Variants in AGBL2 observed in about 807,000 individuals in gnomAD.
AGBL2 encodes cytosolic carboxypeptidase 2.
In AGBL2, 87 loss-of-function variants were observed where a neutral mutation model predicts 103.0. That is an observed-to-expected ratio of 0.84 (90% CI 0.71 to 1.01). The LOEUF (loss-of-function observed/expected upper bound fraction) is 1.01, where lower values mean the gene tolerates loss of function less well. Among genes scored for constraint, AGBL2 ranks in the 50% least tolerant of loss-of-function variants. The pLI is 0.00. For synonymous variants in AGBL2, 335 were observed against 356.7 expected (o/e 0.94, Z 0.69); for missense variants, 904 against 1,023.5 (o/e 0.88, Z 1.59).
intron 17 of AGBL2, among the ~76,000 whole-genome samples, chr11:47,664,286 A>G (rs1328716734): frequency 6.6e-6 from 1 of 152,038 alleles, no homozygotes. Flanking sequence ...TCACTATGTC[A>G]TCTAGGGTGG....
chr11:47,665,539 C>T (rs2097339227), intron 17 of AGBL2, among the ~76,000 whole-genome samples: 1 of 151,994 alleles, frequency 6.6e-6, no homozygotes, highest in African/African-American at 2.4e-5. Context: ...TCACTGCAGC[C>T]TCCAACTCTG....
At chr11:47,705,948 G>A in intron 4 of AGBL2, 31 bp from the exon 5 acceptor site, 1 of 1,598,214 alleles carries the variant, frequency 6.3e-7, no homozygotes, top group East Asian at 2.2e-5. Flanking sequence ...CACCCTTGGT[G>A]TCAGGGATCG....
chr11:47,714,723 A>C lies in AGBL2; in HGVS notation c.-73T>G, dbSNP rs2097545232. ...CAGTCGCAAACCCTGCCCAATTTCC[A>C]AATAGGCAGCTGATTACACAAGAGA... On this transcript the variant is annotated 5_prime_UTR_variant, in exon 2 of 19. Transcript: ENST00000525123. 7.0e-7 allele frequency: 1 copy of C among 1,432,984 alleles called. No individual in the cohort carries two copies. Among genetic ancestry groups the C allele is most frequent in the Non-Finnish European group, 9.8e-7 (1 of 1,015,502 alleles). 88.8% of individuals were successfully genotyped at this position (1,432,984 alleles called of 1,614,324 possible).
At chr11:47,698,430 C>T (rs2097485382) in intron 8 of AGBL2, among the ~76,000 whole-genome samples, 1 of 152,178 alleles carries the variant, frequency 6.6e-6, no homozygotes, top group Non-Finnish European at 1.5e-5. Flanking sequence ...CCTCGGCCTC[C>T]CAAAGTGCTG....
At chr11:47,670,952 G>A (rs1320854068) in intron 14 of AGBL2, among the ~76,000 whole-genome samples, 3 of 151,106 alleles carry the variant, frequency 2.0e-5, no homozygotes, top group Non-Finnish European at 4.4e-5. Context: ...CTGTGATTGC[G>A]CCACTGACTC....
At position 47,714,667 on chromosome 11, in the gene AGBL2, A is replaced by G; in HGVS notation, c.-17T>C. ...TGGGAACATGTTACTTCTGGATGGT[A>G]GGCTGAAAACTAGTCAGTGACATTA... On this transcript the variant is annotated 5_prime_UTR_variant, in exon 2 of 19. Coordinates refer to ENST00000525123, the MANE Select transcript of AGBL2 (RefSeq NM_024783.4). The G allele has an allele frequency of 6.2e-7, 1 of 1,613,886 alleles. No individual in the cohort carries two copies. Among genetic ancestry groups the G allele is most frequent in the Non-Finnish European group, 8.5e-7 (1 of 1,179,870 alleles).
rs1402992136 is a variant in AGBL2 at position 47,667,631 on chromosome 11, T to TC, written c.2279dup (p.Asn761LysfsTer2). The TC allele has an allele frequency of 1.2e-6, 2 of 1,613,950 alleles. No homozygotes were observed. Among genetic ancestry groups the TC allele is most frequent in the Non-Finnish European group, 1.7e-6 (2 of 1,179,866 alleles). ...AATTTTTTTTCTGATACTGCTCATT[T>TC]CGCTGTTTCCTAGTCTGAAGTGACT... is the stretch of plus-strand genomic sequence containing the variant. On this transcript the variant is annotated frameshift_variant, in exon 16 of 19. Coordinates refer to ENST00000525123, the MANE Select transcript of AGBL2 (RefSeq NM_024783.4). LOFTEE classifies it high-confidence loss of function.
intron 4 of AGBL2, among the ~76,000 whole-genome samples, chr11:47,706,510 C>T (rs974226402): frequency 6.0e-5 from 9 of 151,216 alleles, no homozygotes; most frequent in Non-Finnish European, 1.0e-4. Flanking sequence ...AGCAAGACTC[C>T]GTCTCAAAAA....
At chr11:47,672,810 C>T (rs1247184374) in intron 14 of AGBL2, among the ~76,000 whole-genome samples, 2 of 152,084 alleles carry the variant, frequency 1.3e-5, no homozygotes, top group Admixed American at 6.6e-5. Flanking sequence ...TGTCAATGTG[C>T]CATAGAGTGG....
chr11:47,695,799 A>G (rs1324042292), intron 8 of AGBL2, among the ~76,000 whole-genome samples: 1 of 151,382 alleles, frequency 6.6e-6, no homozygotes, highest in Non-Finnish European at 1.5e-5. Flanking sequence ...TAGTTGGGAA[A>G]CATTTTTTCC....
intron 15 of AGBL2, 26 bp downstream of exon 15, chr11:47,668,815 T>C (rs561969049): frequency 6.3e-7 from 1 of 1,593,658 alleles, no homozygotes; most frequent in Non-Finnish European, 8.6e-7. Flanking sequence ...AGGCTGCTAT[T>C]TCCTGGGTAT....
rs777986893 is a variant in AGBL2, at chr11:47,696,262, TG to T, written c.694+3183del. On this transcript the variant is annotated intron_variant, in intron 8 of 18. Coordinates refer to ENST00000525123, the MANE Select transcript of AGBL2 (RefSeq NM_024783.4). ...TGAGCCTGGGTTTTGTTTGTTTGTT[TG>T]TTTGTTTTTTGTTTTTTGAGACAGA... Among the ~76,000 whole-genome samples the T allele has an allele frequency of 1.1e-3, 162 of 151,308 alleles. 1 individual carries two copies. Among genetic ancestry groups the T allele is most frequent in the Middle Eastern group, 0.01 (3 of 294 alleles).
At chr11:47,703,819 G>A (rs984977044) in intron 7 of AGBL2, among the ~76,000 whole-genome samples, 2 of 151,964 alleles carry the variant, frequency 1.3e-5, no homozygotes, top group South Asian at 2.1e-4. Context: ...CAGCTACTCA[G>A]GGGGCTGAGG....
chr11:47,686,833 C>T (rs2097425626), intron 10 of AGBL2, among the ~76,000 whole-genome samples: 1 of 151,460 alleles, frequency 6.6e-6, no homozygotes, highest in South Asian at 2.1e-4. Flanking sequence ...GTGGTGCATA[C>T]CTGTAATGCC....
intron 14 of AGBL2, among the ~76,000 whole-genome samples, chr11:47,670,580 G>C (rs759208874): frequency 2.6e-5 from 4 of 152,058 alleles, no homozygotes; most frequent in Admixed American, 6.6e-5. Context: ...ATGAGGCCAG[G>C]CATGGTGGCT....
At chr11:47,695,343 T>C (rs1216616679) in intron 8 of AGBL2, among the ~76,000 whole-genome samples, 1 of 149,764 alleles carries the variant, frequency 6.7e-6, no homozygotes, top group Middle Eastern at 3.4e-3. Flanking sequence ...GGTGTGATGG[T>C]AGGCAACTAT....
At chr11:47,691,008 C>A (rs984340801) in intron 9 of AGBL2, 150 bp from the exon 10 acceptor site, 1 of 688,302 alleles carries the variant, frequency 1.5e-6, no homozygotes, top group Admixed American at 3.0e-5. Context: ...AATCCCAGCA[C>A]TTTGGGAGGC....
At chr11:47,692,833 T>C (rs2097453408) in intron 8 of AGBL2, among the ~76,000 whole-genome samples, 1 of 151,958 alleles carries the variant, frequency 6.6e-6, no homozygotes, top group Admixed American at 6.6e-5. Flanking sequence ...GTTTTCTTTG[T>C]TTGAGACAGG....
intron 2 of AGBL2, 134 bp downstream of exon 2, chr11:47,714,484 G>A: frequency 7.6e-7 from 1 of 1,318,070 alleles, no homozygotes; most frequent in Admixed American, 1.7e-5. Context: ...TTCTATCGTG[G>A]GGATCAAGAT....
Sources: allele counts gnomAD v4.1 joint callset (sites outside exome capture counted in the v4.1 genomes callset), GRCh38; gene constraint gnomAD v4.1.1; transcripts MANE v1.5; gene names NCBI Gene and HGNC (gene_info 2026-07-23, HGNC 2026-07-21).